Variants in CHRM3 observed in about 807,000 individuals in gnomAD.
CHRM3 encodes the protein muscarinic acetylcholine receptor M3.
CHRM3 carries 11 observed loss-of-function variants against 41.8 expected under a neutral mutation model. That is an observed-to-expected ratio of 0.26 (90% CI 0.17 to 0.44). The LOEUF (loss-of-function observed/expected upper bound fraction) is 0.44. CHRM3 is among the 20% of genes least tolerant of loss of function. The pLI is 1.00. For synonymous variants in CHRM3, 297 were observed against 301.4 expected, an observed-to-expected ratio of 0.99 and a Z score of 0.15; for missense variants, 571 against 745.4, an observed-to-expected ratio of 0.77 and a Z score of 2.72.
intron 4 of CHRM3, among the ~76,000 whole-genome samples, chr1:239,643,045 G>T (rs1039541143): frequency 6.6e-6 from 1 of 152,162 alleles, no homozygotes; most frequent in Non-Finnish European, 1.5e-5. Context: ...GACCCTGTTT[G>T]CCTGGGTATC....
intron 1 of CHRM3, among the ~76,000 whole-genome samples, chr1:239,473,822 G>GT (rs1221860159): frequency 3.3e-5 from 5 of 151,876 alleles, no homozygotes; most frequent in Admixed American, 6.6e-5. Context: ...TAAGGCATAT[G>GT]TAAGTAATGC....
intron 3 of CHRM3, among the ~76,000 whole-genome samples, chr1:239,609,780 A>T (rs1666779585): frequency 6.6e-6 from 1 of 152,108 alleles, no homozygotes; most frequent in South Asian, 2.1e-4. Flanking sequence ...GCATCTGTAT[A>T]TGTTCTTTAT....
In CHRM3 at chr1:239,471,225, C is replaced by T. The variant is rs532031707; in HGVS notation, c.-520-21484C>T. On this transcript the variant is annotated intron_variant, in intron 1 of 6. Coordinates refer to ENST00000676153, the MANE Select transcript of CHRM3 (RefSeq NM_001375978.1). ...GATAGTAAATTTTAGTTAAACATTTCACTGTTGCTGGCCTTTTTCTTTTTG... is the reference window on the plus strand; with the variant it reads ...GATAGTAAATTTTAGTTAAACATTTTACTGTTGCTGGCCTTTTTCTTTTTG... Among the ~76,000 whole-genome samples, 17 of 152,276 alleles carry T rather than the reference C, an allele frequency of 1.1e-4. No individual in the cohort carries two copies. The South Asian group carries it at 2.5e-3, about 22-fold the overall frequency.
chr1:239,804,493 C>T (rs1006104043), intron 5 of CHRM3, among the ~76,000 whole-genome samples: 5 of 152,110 alleles, frequency 3.3e-5, no homozygotes, highest in South Asian at 2.1e-4. Context: ...TCTGTGTAGG[C>T]GGAGGTCCTG....
intron 5 of CHRM3, among the ~76,000 whole-genome samples, chr1:239,791,645 C>A (rs1669358906): frequency 2.0e-5 from 3 of 152,002 alleles, no homozygotes. Context: ...GATCACAAAC[C>A]AATCAGAGGG....
At chr1:239,737,335 T>C (rs1237810913) in intron 5 of CHRM3, among the ~76,000 whole-genome samples, 1 of 152,078 alleles carries the variant, frequency 6.6e-6, no homozygotes, top group Admixed American at 6.6e-5. Flanking sequence ...CCAGAGAAAA[T>C]CTGAGCAAAT....
At chr1:239,623,576 C>T (rs539654906) in intron 3 of CHRM3, among the ~76,000 whole-genome samples, 110 of 96,084 alleles carry the variant, frequency 1.1e-3, no homozygotes, top group African/African-American at 4.1e-3. Context: ...TATACATGTG[C>T]CATGCTGGTG....
At chr1:239,865,728 C>G (rs578163475) in intron 6 of CHRM3, among the ~76,000 whole-genome samples, 8 of 152,294 alleles carry the variant, frequency 5.3e-5, no homozygotes, top group Non-Finnish European at 8.8e-5. Flanking sequence ...ACATTTGGAC[C>G]AGGCTTGAGG....
chr1:239,760,900 C>T (rs1666707823), intron 5 of CHRM3, among the ~76,000 whole-genome samples: 1 of 152,180 alleles, frequency 6.6e-6, no homozygotes, highest in Non-Finnish European at 1.5e-5. Flanking sequence ...AATCTATGCG[C>T]TTGTCGTTTC....
chr1:239,590,698 G>C (rs1056811711), intron 3 of CHRM3, among the ~76,000 whole-genome samples: 1 of 152,102 alleles, frequency 6.6e-6, no homozygotes, highest in African/African-American at 2.4e-5. Flanking sequence ...CTCCAGGGAA[G>C]ATAGAAAACA....
intron 1 of CHRM3, among the ~76,000 whole-genome samples, chr1:239,435,014 G>T (rs1663123109): frequency 6.6e-6 from 1 of 152,166 alleles, no homozygotes; most frequent in African/African-American, 2.4e-5. Context: ...GCTCCCAGTG[G>T]ATTTCAGTAT....
chr1:239,512,224 T>C (rs931905066), intron 2 of CHRM3, among the ~76,000 whole-genome samples: 1 of 152,196 alleles, frequency 6.6e-6, no homozygotes, highest in Admixed American at 6.5e-5. Context: ...ATGTAAAAAT[T>C]GGACTGTCAA....
intron 1 of CHRM3, among the ~76,000 whole-genome samples, chr1:239,471,539 AC>A (rs753185859): frequency 6.6e-6 from 1 of 152,092 alleles, no homozygotes; most frequent in Non-Finnish European, 1.5e-5. Context: ...ACTTTTATGG[AC>A]CCTGAGGTCA....
intron 5 of CHRM3, among the ~76,000 whole-genome samples, chr1:239,808,503 G>T (rs1475942609): frequency 1.3e-5 from 2 of 152,124 alleles, no homozygotes; most frequent in Non-Finnish European, 2.9e-5. Context: ...CTGTGCGAGT[G>T]ATCTTTCCCA....
intron 5 of CHRM3, among the ~76,000 whole-genome samples, chr1:239,793,800 T>C (rs1007748085): frequency 3.0e-5 from 4 of 134,826 alleles, no homozygotes; most frequent in Non-Finnish European, 4.6e-5. Context: ...AAATGAAATG[T>C]GTATTTTTTT....
intron 5 of CHRM3, among the ~76,000 whole-genome samples, chr1:239,769,245 C>T (rs560244328): frequency 9.9e-5 from 15 of 152,196 alleles, no homozygotes; most frequent in South Asian, 2.1e-4. Context: ...CTGCTGTGCC[C>T]GCCACCGGCC....
At chr1:239,460,956 G>A (rs941535248) in intron 1 of CHRM3, among the ~76,000 whole-genome samples, 11 of 152,186 alleles carry the variant, frequency 7.2e-5, no homozygotes, top group Non-Finnish European at 7.3e-5. Flanking sequence ...CTGCAATACA[G>A]CAAACACAAA....
intron 5 of CHRM3, among the ~76,000 whole-genome samples, chr1:239,778,097 C>G (rs991054186): frequency 4.6e-5 from 7 of 152,046 alleles, no homozygotes; most frequent in African/African-American, 1.4e-4. Flanking sequence ...ACCTGTACCC[C>G]CAAAACTATT....
chr1:239,844,748 A>C (rs1406419403), intron 6 of CHRM3, among the ~76,000 whole-genome samples: 2 of 152,236 alleles, frequency 1.3e-5, no homozygotes, highest in Non-Finnish European at 2.9e-5. Context: ...ACTGAGATGC[A>C]GAAAGACTAA....
Sources: allele counts gnomAD v4.1 joint callset (sites outside exome capture counted in the v4.1 genomes callset), GRCh38; gene constraint gnomAD v4.1.1; transcripts MANE v1.5; gene names NCBI Gene and HGNC (gene_info 2026-07-23, HGNC 2026-07-21).